ABCD2: variants seen among roughly 807,000 people sequenced by gnomAD.
ABCD2 encodes ATP-binding cassette sub-family D member 2.
In ABCD2, 36 loss-of-function variants were observed where a neutral mutation model predicts 70.9. The observed-to-expected ratio is 0.51, with a 90% CI of 0.39 to 0.67. The LOEUF (loss-of-function observed/expected upper bound fraction) is 0.67. Ranked by LOEUF, ABCD2 falls within the 30% of genes least tolerant of loss-of-function variation. The pLI is 0.00. For missense variants in ABCD2, 729 were observed against 890.2 expected (o/e 0.82, Z 2.30); for synonymous variants, 304 against 306.9 (o/e 0.99, Z 0.10).
Position 39,619,043 on chromosome 12 carries a change from C to T in ABCD2, c.573G>A (p.Gln191=). ...DHAYETYFTN[Q]TYYKVINMDG... is the part of the protein sequence containing the mutation. ...CCATATTGATCACTTTATAATAAGT[C>T]TGATTTGTAAAATAGGTTTCATAGG... Residue 191 remains glutamine (Q), a synonymous_variant, in exon 1 of 10, where the codon CAG becomes CAA. Transcript: ENST00000308666. 6.2e-7 allele frequency: 1 copy of T among 1,614,180 alleles called. No individual in the cohort carries two copies. Among genetic ancestry groups the T allele is most frequent in the Non-Finnish European group, 8.5e-7 (1 of 1,180,036 alleles).
At chr12:39,598,551 C>T (rs1013148425) in intron 6 of ABCD2, among the ~76,000 whole-genome samples, 2 of 152,074 alleles carry the variant, frequency 1.3e-5, no homozygotes, top group Non-Finnish European at 2.9e-5. Flanking sequence ...CAGGCACGCA[C>T]CACCACACCC....
rs1019908585 is a variant in ABCD2 at position 39,550,156 on chromosome 12, A to G, written c.*3756T>C. On this transcript the variant is annotated 3_prime_UTR_variant, in exon 10 of 10. Transcript: ENST00000308666. ...ATATTTAAATAACTATTTGGTGACT[A>G]TTGTCTATAGTTCTACACACGGTTA... 1.3e-5 allele frequency: 2 copies of G among 151,854 alleles called. No homozygotes were observed. The highest frequency in any genetic ancestry group is 3.0e-5 in the Non-Finnish European group (2 of 67,728). The allele number at this position is 151,854 out of a possible 1,614,324, so 9.4% of individuals were successfully genotyped here.
the ABCD2 span, among the ~76,000 whole-genome samples, chr12:39,534,731 A>AGGAAG: frequency 1.4e-5 from 1 of 72,022 alleles, no homozygotes; most frequent in African/African-American, 5.3e-5. Flanking sequence ...AGGAAGGAAA[A>AGGAAG]GAAGGAAGGA....
At chr12:39,614,586 T>C (rs976425195) in intron 2 of ABCD2, among the ~76,000 whole-genome samples, 17 of 151,892 alleles carry the variant, frequency 1.1e-4, no homozygotes, top group African/African-American at 3.4e-4. Flanking sequence ...TAAAGCATCA[T>C]GCACTTTACC....
chr12:39,603,632 G>A (rs1486257519), intron 5 of ABCD2, among the ~76,000 whole-genome samples: 1 of 151,818 alleles, frequency 6.6e-6, no homozygotes, highest in Non-Finnish European at 1.5e-5. Context: ...TTTATTTCCA[G>A]GTACAAATTT....
rs774743963 is a variant in ABCD2 at position 39,619,027 on chromosome 12, T to A, written c.589A>T (p.Ile197Phe). 2.0e-5 allele frequency: 33 copies of A among 1,614,224 alleles called. No homozygotes were observed. The highest frequency in any genetic ancestry group is 2.8e-5 in the Non-Finnish European group (33 of 1,180,040). Residue 197 changes from isoleucine to phenylalanine, a missense_variant, in exon 1 of 10, where the codon ATC becomes TTC. Transcript: ENST00000308666. ...YFTNQTYYKV[I>F]NMDGRLANPD... ...TTTGCCAGCCTCCCATCCATATTGA[T>A]CACTTTATAATAAGTCTGATTTGTA...
At chr12:39,614,357 A>AGAG (rs1942086851) in intron 2 of ABCD2, among the ~76,000 whole-genome samples, 1 of 152,202 alleles carries the variant, frequency 6.6e-6, no homozygotes, top group South Asian at 2.1e-4. Flanking sequence ...AGATGTGTAT[A>AGAG]ATTATCTCTA....
chr12:39,547,268 A>G (rs903720402), downstream of ABCD2, among the ~76,000 whole-genome samples: 4 of 151,992 alleles, frequency 2.6e-5, no homozygotes, highest in Non-Finnish European at 4.4e-5. Flanking sequence ...AGCAGCTAGG[A>G]AAAACAGGAT....
chr12:39,586,695 C>G (rs1941670940), intron 6 of ABCD2, among the ~76,000 whole-genome samples: 1 of 152,122 alleles, frequency 6.6e-6, no homozygotes, highest in Admixed American at 6.6e-5. Flanking sequence ...AGAACCCAGC[C>G]ACATTTAACA....
chr12:39,607,937 G>A (rs1941992944), intron 2 of ABCD2, among the ~76,000 whole-genome samples: 1 of 152,140 alleles, frequency 6.6e-6, no homozygotes, highest in African/African-American at 2.4e-5. Context: ...AGAGGCCTGG[G>A]TGGGCGGATC....
the ABCD2 span, among the ~76,000 whole-genome samples, chr12:39,544,210 G>A: frequency 6.6e-6 from 1 of 152,086 alleles, no homozygotes; most frequent in Non-Finnish European, 1.5e-5. Context: ...ATCTTCTTGT[G>A]CTGAGTCAGT....
intron 5 of ABCD2, among the ~76,000 whole-genome samples, chr12:39,603,133 A>G (rs1020654026): frequency 2.6e-5 from 4 of 152,192 alleles, no homozygotes; most frequent in African/African-American, 9.6e-5. Flanking sequence ...ATACATCTTT[A>G]ATAATTAAAC....
At chr12:39,558,983 T>C (rs1469603578) in intron 9 of ABCD2, among the ~76,000 whole-genome samples, 1 of 151,998 alleles carries the variant, frequency 6.6e-6, no homozygotes, top group Non-Finnish European at 1.5e-5. Flanking sequence ...GAAAAAAATA[T>C]GTGAACTTGA....
the ABCD2 span, among the ~76,000 whole-genome samples, chr12:39,531,391 G>A: frequency 8.5e-5 from 13 of 152,192 alleles, no homozygotes; most frequent in Admixed American, 8.5e-4. Flanking sequence ...TGGGATTAAT[G>A]CCCTTAAGAA....
intron 6 of ABCD2, among the ~76,000 whole-genome samples, chr12:39,592,082 C>T (rs1941754164): frequency 6.6e-6 from 1 of 151,938 alleles, no homozygotes; most frequent in African/African-American, 2.4e-5. Flanking sequence ...TGAACTGTAC[C>T]AACTACTACA....
At chr12:39,548,743 G>A (rs1464304076), downstream of ABCD2, among the ~76,000 whole-genome samples, 1 of 151,510 alleles carries the variant, frequency 6.6e-6, no homozygotes, top group African/African-American at 2.4e-5. Flanking sequence ...GGATTAAACT[G>A]ACTAAAATTA....
chr12:39,532,166 G>T, the ABCD2 span, among the ~76,000 whole-genome samples: 1 of 152,222 alleles, frequency 6.6e-6, no homozygotes, highest in Non-Finnish European at 1.5e-5. Context: ...TGTGGCCATG[G>T]AAGTGAATGG....
At chr12:39,567,846 G>A (rs556648668) in intron 9 of ABCD2, among the ~76,000 whole-genome samples, 48 of 152,226 alleles carry the variant, frequency 3.2e-4, no homozygotes, top group African/African-American at 1.0e-3. Flanking sequence ...CTCAGCATTT[G>A]CTTGTCTGTA....
chr12:39,580,706 C>T (rs1474064138), intron 7 of ABCD2, among the ~76,000 whole-genome samples: 2 of 152,104 alleles, frequency 1.3e-5, no homozygotes, highest in Non-Finnish European at 2.9e-5. Flanking sequence ...CAAAACCTAA[C>T]AGATACTTAC....
Sources: allele counts gnomAD v4.1 joint callset (sites outside exome capture counted in the v4.1 genomes callset), GRCh38; gene constraint gnomAD v4.1.1; transcripts MANE v1.5; gene names NCBI Gene and HGNC (gene_info 2026-07-23, HGNC 2026-07-21).